Variants in DLGAP1 observed in about 807,000 individuals in gnomAD.
The protein encoded by DLGAP1 is DLG associated protein 1.
In DLGAP1, 11 loss-of-function variants were observed where a neutral mutation model predicts 90.8. The observed-to-expected ratio is 0.12, with a 90% CI of 0.08 to 0.20. DLGAP1 has a LOEUF of 0.20. Among genes scored for constraint, DLGAP1 ranks in the 10% least tolerant of loss-of-function variants. The pLI is 1.00. For synonymous variants in DLGAP1, 558 were observed against 540.7 expected (o/e 1.03, Z -0.44); for missense variants, 1,050 against 1,333.8 (o/e 0.79, Z 3.31).
At chr18:3,627,012 T>C (rs981175132) in intron 7 of DLGAP1, among the ~76,000 whole-genome samples, 31 of 152,210 alleles carry the variant, frequency 2.0e-4, no homozygotes, top group African/African-American at 7.2e-4. Flanking sequence ...GTGGATTTTA[T>C]GACATATGAG....
rs1313071992 is a variant in DLGAP1, at chr18:3,905,792, T to C, written c.-72-25652A>G. 9.9e-5 allele frequency among the ~76,000 whole-genome samples: 15 copies of C among 152,106 alleles called. No individual in the cohort carries two copies. In the South Asian group the frequency reaches 2.9e-3, roughly 29 times the overall value. On this transcript the variant is annotated intron_variant, in intron 3 of 12. Transcript: ENST00000315677. ...CTGAGAGATATTCTGTGAGAAGAGGTTTGGCACAATGTGTTTGGGGGAAGC... is the reference window on the plus strand; with the variant it reads ...CTGAGAGATATTCTGTGAGAAGAGGCTTGGCACAATGTGTTTGGGGGAAGC...
In DLGAP1 at chr18:4,008,199, A is replaced by G. The variant is rs143008385; in HGVS notation, c.-158-2998T>C. Among the ~76,000 whole-genome samples the G allele has an allele frequency of 6.9e-4, 103 of 150,142 alleles. 1 individual carries two copies. The highest frequency in any genetic ancestry group is 2.2e-3 in the African/African-American group (91 of 40,574). On this transcript the variant is annotated intron_variant, in intron 2 of 12. Transcript: ENST00000315677. ...GATGCCCCAAACAGAACCAAACCCT[A>G]TATGTAAATAAATAAATATATATAT...
chr18:4,393,247 C>T (rs2082374038), intron 1 of DLGAP1, among the ~76,000 whole-genome samples: 2 of 152,154 alleles, frequency 1.3e-5, no homozygotes, highest in African/African-American at 4.8e-5. Context: ...CCTATGAAAA[C>T]TCTGTCTACC....
intron 2 of DLGAP1, among the ~76,000 whole-genome samples, chr18:4,023,852 T>C (rs543985499): frequency 6.8e-6 from 1 of 147,776 alleles, no homozygotes; most frequent in African/African-American, 2.5e-5. Flanking sequence ...CTTTTCTTTT[T>C]ATTTATTAAT....
intron 1 of DLGAP1, chr18:4,275,507 C>T (rs1440521535): frequency 6.6e-6 from 1 of 152,186 alleles, no homozygotes; most frequent in Non-Finnish European, 1.5e-5. Context: ...CATTTTCTAA[C>T]ACCCTCCATA....
At chr18:4,325,321 C>T (rs1401082235) in intron 1 of DLGAP1, among the ~76,000 whole-genome samples, 4 of 151,956 alleles carry the variant, frequency 2.6e-5, no homozygotes, top group Non-Finnish European at 5.9e-5. Context: ...AAGATCTATA[C>T]AATGATAATT....
At chr18:3,741,613 A>G (rs1029089035) in intron 6 of DLGAP1, among the ~76,000 whole-genome samples, 1 of 151,950 alleles carries the variant, frequency 6.6e-6, no homozygotes, top group African/African-American at 2.4e-5. Context: ...CATCATCACC[A>G]TCACTGCCAT....
At chr18:4,280,396 T>C (rs563410394) in intron 1 of DLGAP1, among the ~76,000 whole-genome samples, 2 of 152,252 alleles carry the variant, frequency 1.3e-5, no homozygotes, top group East Asian at 3.9e-4. Context: ...TTAAAACAAA[T>C]GAAGAAACTG....
In DLGAP1 at chr18:3,623,808, C is replaced by T. The variant is rs1276531662; in HGVS notation, c.1592-41560G>A. The stretch of plus-strand genomic sequence containing the variant: ...AAAAAAAAAAAAAAAGGAAAACCCC[C>T]CTAGAAAATGCTTTTCCCGTTGCTT... On this transcript the variant is annotated intron_variant, in intron 7 of 12. Transcript: ENST00000315677. Among the ~76,000 whole-genome samples, 21 of 151,742 alleles carry T rather than the reference C, an allele frequency of 1.4e-4. 2 individuals carry two copies. The highest frequency in any genetic ancestry group is 2.0e-4 in the Admixed American group (3 of 15,216).
chr18:3,677,601 A>C (rs1598314315), intron 7 of DLGAP1, among the ~76,000 whole-genome samples: 1 of 152,214 alleles, frequency 6.6e-6, no homozygotes, highest in Non-Finnish European at 1.5e-5. Flanking sequence ...CGTGCCTATG[A>C]CCATCCACTT....
chr18:4,030,854 C>A (rs578242097), intron 2 of DLGAP1, among the ~76,000 whole-genome samples: 1 of 152,038 alleles, frequency 6.6e-6, no homozygotes, highest in South Asian at 2.1e-4. Context: ...CCCGGGGAGG[C>A]GGAGGTTGCA....
chr18:3,693,269 T>G lies in DLGAP1; in HGVS notation c.1591+35866A>C, dbSNP rs371190658. 2.4e-4 allele frequency among the ~76,000 whole-genome samples: 36 copies of G among 151,934 alleles called. No homozygotes were observed. In the East Asian group the frequency reaches 6.2e-3, roughly 26 times the overall value. On this transcript the variant is annotated intron_variant, in intron 7 of 12. Coordinates refer to ENST00000315677, the MANE Select transcript of DLGAP1 (RefSeq NM_004746.4). ...CACTTATTTAAATTTTTTTTTTTTG[T>G]AGAGATTGGGGTCTCCCTATGTTGC... is the stretch of plus-strand genomic sequence containing the variant.
chr18:3,754,920 T>A (rs1348734795), intron 5 of DLGAP1, among the ~76,000 whole-genome samples: 4 of 151,790 alleles, frequency 2.6e-5, no homozygotes, highest in Non-Finnish European at 4.4e-5. Context: ...TATAAAAAAT[T>A]AAAGTTTATT....
intron 2 of DLGAP1, among the ~76,000 whole-genome samples, chr18:4,011,539 G>T (rs556824802): frequency 1.8e-3 from 269 of 151,926 alleles, no homozygotes; most frequent in African/African-American, 6.3e-3. Context: ...CCTCTGGGCT[G>T]GGCATGGTGG....
intron 9 of DLGAP1, among the ~76,000 whole-genome samples, chr18:3,567,251 A>G (rs1041999562): frequency 2.0e-5 from 3 of 152,184 alleles, no homozygotes; most frequent in African/African-American, 7.2e-5. Flanking sequence ...AGTACTGCAC[A>G]CAGTATTTAT....
intron 4 of DLGAP1, among the ~76,000 whole-genome samples, chr18:3,815,120 T>C (rs1315460240): frequency 2.2e-4 from 33 of 152,228 alleles, no homozygotes; most frequent in Admixed American, 2.2e-3. Flanking sequence ...TTTGAGCTTT[T>C]CAGTGATTTG....
chr18:4,125,433 A>G (rs1054984157), intron 2 of DLGAP1, among the ~76,000 whole-genome samples: 10 of 152,206 alleles, frequency 6.6e-5, no homozygotes, highest in Non-Finnish European at 1.5e-4. Flanking sequence ...TCCCATCATT[A>G]GGGACAACAG....
intron 7 of DLGAP1, among the ~76,000 whole-genome samples, chr18:3,630,193 C>A (rs1199453256): frequency 6.6e-6 from 1 of 152,158 alleles, no homozygotes; most frequent in Non-Finnish European, 1.5e-5. Context: ...GGTTGGGCCT[C>A]ATTCAATCAA....
chr18:3,688,617 AC>A, intron 7 of DLGAP1, among the ~76,000 whole-genome samples: 1 of 502 alleles, frequency 2.0e-3, no homozygotes, highest in Non-Finnish European at 9.3e-3. Context: ...AAAAAAAGAC[AC>A]ACACACACAC....
Sources: gnomAD v4.1 joint callset for allele counts (sites outside exome capture counted in the v4.1 genomes callset) on GRCh38, gnomAD v4.1.1 for gene constraint, MANE v1.5 for transcripts, NCBI Gene and HGNC (gene_info 2026-07-23, HGNC 2026-07-21) for gene names.